CACNA2D3: variants seen among roughly 807,000 people sequenced by gnomAD.
CACNA2D3 encodes calcium voltage-gated channel auxiliary subunit alpha2delta 3.
CACNA2D3 carries 60 observed loss-of-function variants against 160.6 expected under a neutral mutation model. The observed-to-expected ratio is 0.37, with a 90% confidence interval of 0.30 to 0.46. The LOEUF (loss-of-function observed/expected upper bound fraction) is 0.46, where lower values mean the gene tolerates loss of function less well. CACNA2D3 is among the 20% of genes least tolerant of loss of function. The pLI, the probability that CACNA2D3 is intolerant of heterozygous loss-of-function variation, is 1.00. For synonymous variants in CACNA2D3, 558 were observed against 492.9 expected (o/e 1.13, Z -1.75); for missense variants, 1,205 against 1,365.0 (o/e 0.88, Z 1.85).
chr3:54,216,134 C>CAT (rs1559885080), intron 2 of CACNA2D3, among the ~76,000 whole-genome samples: 1 of 149,384 alleles, frequency 6.7e-6, no homozygotes, highest in Non-Finnish European at 1.5e-5. Context: ...TTTAGTTGTA[C>CAT]GTGTGTGTGT....
At chr3:54,792,754 C>G (rs1702787274) in intron 13 of CACNA2D3, among the ~76,000 whole-genome samples, 3 of 152,134 alleles carry the variant, frequency 2.0e-5, no homozygotes, top group Admixed American at 1.3e-4. Context: ...CTGCTTATCT[C>G]TAACTGAACC....
At chr3:54,623,828 C>T (rs1699039822) in intron 9 of CACNA2D3, among the ~76,000 whole-genome samples, 1 of 152,164 alleles carries the variant, frequency 6.6e-6, no homozygotes, top group Non-Finnish European at 1.5e-5. Flanking sequence ...TTAATAATTA[C>T]ATTTAAATGT....
intron 2 of CACNA2D3, among the ~76,000 whole-genome samples, chr3:54,123,831 C>T (rs898759006): frequency 1.3e-5 from 2 of 152,124 alleles, no homozygotes; most frequent in African/African-American, 2.4e-5. Flanking sequence ...ACTGTCCTGG[C>T]TGGGGCTCGG....
intron 9 of CACNA2D3, among the ~76,000 whole-genome samples, chr3:54,591,567 G>T (rs1242395299): frequency 8.0e-4 from 97 of 121,322 alleles, no homozygotes; most frequent in Middle Eastern, 4.3e-3. Context: ...GTTGAAAAAA[G>T]TTTTTTTTTT....
intron 13 of CACNA2D3, among the ~76,000 whole-genome samples, chr3:54,782,636 C>A (rs1464550268): frequency 6.6e-6 from 1 of 152,064 alleles, no homozygotes; most frequent in African/African-American, 2.4e-5. Flanking sequence ...GCGGTCAAGG[C>A]CCCTGCTGTA....
At chr3:54,607,752 T>C (rs1375832017) in intron 9 of CACNA2D3, among the ~76,000 whole-genome samples, 1 of 152,092 alleles carries the variant, frequency 6.6e-6, no homozygotes, top group Non-Finnish European at 1.5e-5. Flanking sequence ...GAATGAAAAA[T>C]TATGTTTATA....
chr3:54,891,696 C>T (rs1296400731), intron 25 of CACNA2D3, among the ~76,000 whole-genome samples: 6 of 152,172 alleles, frequency 3.9e-5, no homozygotes, highest in African/African-American at 1.4e-4. Flanking sequence ...TCCTGGAGTC[C>T]TCTCCCGCCC....
intron 5 of CACNA2D3, among the ~76,000 whole-genome samples, chr3:54,556,518 G>T (rs974610052): frequency 2.0e-5 from 3 of 152,114 alleles, no homozygotes; most frequent in African/African-American, 7.2e-5. Flanking sequence ...AATTGTGAGG[G>T]AATAAATCTC....
intron 2 of CACNA2D3, among the ~76,000 whole-genome samples, chr3:54,219,698 G>A (rs1701529340): frequency 6.6e-6 from 1 of 152,016 alleles, no homozygotes; most frequent in Admixed American, 6.6e-5. Flanking sequence ...TTTCCTGTGT[G>A]TTTCAGTGTT....
intron 5 of CACNA2D3, among the ~76,000 whole-genome samples, chr3:54,544,694 G>C (rs1182981686): frequency 6.6e-6 from 1 of 152,104 alleles, no homozygotes; most frequent in Non-Finnish European, 1.5e-5. Context: ...CACCATGCCT[G>C]ACCTCAAGCC....
rs575095836 is a variant in CACNA2D3 at position 54,507,699 on chromosome 3, G to A, written c.544+4045G>A. On this transcript the variant is annotated intron_variant, in intron 5 of 37. Coordinates refer to ENST00000474759, the MANE Select transcript of CACNA2D3 (RefSeq NM_018398.3). ...TCAGGAAAGCTAAAGAATAAGGCCTGGAAATGTCTGGGAATGGAGGGAGGC... is the reference window on the plus strand; with the variant it reads ...TCAGGAAAGCTAAAGAATAAGGCCTAGAAATGTCTGGGAATGGAGGGAGGC... Among the ~76,000 whole-genome samples the A allele has an allele frequency of 2.0e-5, 3 of 152,282 alleles. No homozygotes were observed. The East Asian group carries it at 5.8e-4, about 29-fold the overall frequency.
intron 27 of CACNA2D3, chr3:54,925,313 C>T: frequency 1.0e-6 from 1 of 965,020 alleles, no homozygotes; most frequent in South Asian, 1.6e-5. Context: ...TGCTTTCCAG[C>T]CAGGTGAAAC....
chr3:54,323,087 C>G (rs771999322), intron 3 of CACNA2D3, among the ~76,000 whole-genome samples: 9 of 152,134 alleles, frequency 5.9e-5, no homozygotes, highest in Non-Finnish European at 1.0e-4. Flanking sequence ...GGGGTTTAGT[C>G]TGGGGATGGT....
At chr3:54,466,151 C>T (rs1269040490) in intron 4 of CACNA2D3, among the ~76,000 whole-genome samples, 1 of 152,174 alleles carries the variant, frequency 6.6e-6, no homozygotes, top group Non-Finnish European at 1.5e-5. Context: ...GGTCAACTGA[C>T]TCAAGACTTT....
At chr3:54,213,646 G>A (rs536444782) in intron 2 of CACNA2D3, among the ~76,000 whole-genome samples, 1 of 152,338 alleles carries the variant, frequency 6.6e-6, no homozygotes, top group South Asian at 2.1e-4. Flanking sequence ...TGAATGCAGG[G>A]ATGAGATGTG....
At chr3:54,280,694 G>A (rs575803589) in intron 2 of CACNA2D3, among the ~76,000 whole-genome samples, 4 of 152,186 alleles carry the variant, frequency 2.6e-5, no homozygotes, top group South Asian at 2.1e-4. Flanking sequence ...AACCCTTCCC[G>A]ACTCTGTTCT....
chr3:54,846,900 T>G (rs1014744626), intron 17 of CACNA2D3, among the ~76,000 whole-genome samples: 9 of 152,242 alleles, frequency 5.9e-5, no homozygotes, highest in Admixed American at 5.9e-4. Flanking sequence ...ACAATGGGAT[T>G]TGCCCCCAAA....
At chr3:54,516,988 A>C (rs1250008481) in intron 5 of CACNA2D3, among the ~76,000 whole-genome samples, 1 of 152,142 alleles carries the variant, frequency 6.6e-6, no homozygotes, top group African/African-American at 2.4e-5. Context: ...CCCCTGCAGG[A>C]GTGGGAGCCC....
chr3:54,416,319 T>C (rs1212253655), intron 4 of CACNA2D3, among the ~76,000 whole-genome samples: 1 of 152,236 alleles, frequency 6.6e-6, no homozygotes, highest in East Asian at 1.9e-4. Flanking sequence ...GTGTCTGCTC[T>C]GCTCCTGTCT....
Sources: gnomAD v4.1 joint callset for allele counts (sites outside exome capture counted in the v4.1 genomes callset) on GRCh38, gnomAD v4.1.1 for gene constraint, MANE v1.5 for transcripts, NCBI Gene and HGNC (gene_info 2026-07-23, HGNC 2026-07-21) for gene names.